KTN1: variants seen among roughly 807,000 people sequenced by gnomAD.
KTN1 encodes kinectin.
KTN1 carries 130 observed loss-of-function variants against 222.5 expected under a neutral mutation model. The observed-to-expected ratio is 0.58, with a 90% CI of 0.51 to 0.68. The LOEUF (loss-of-function observed/expected upper bound fraction) is 0.68. Ranked by LOEUF, KTN1 falls within the 30% of genes least tolerant of loss-of-function variation. KTN1 has a pLI of 0.00. For missense variants in KTN1, 1,508 were observed against 1,500.4 expected (o/e 1.01, Z -0.08); for synonymous variants, 512 against 496.3 (o/e 1.03, Z -0.42).
At chr14:55,651,202 T>C (rs2042905772) in intron 24 of KTN1, 1 of 452,488 alleles carries the variant, frequency 2.2e-6, no homozygotes, top group African/African-American at 2.0e-5. Flanking sequence ...ACTGTACTCG[T>C]GATTGGTGGA....
At chr14:55,654,141 TCTA>T (rs748310268) in intron 28 of KTN1, among the ~76,000 whole-genome samples, 62 of 152,182 alleles carry the variant, frequency 4.1e-4, no homozygotes, top group Non-Finnish European at 3.2e-4. Flanking sequence ...AATGTTTTAT[TCTA>T]GAGAGTCTGT....
intron 33 of KTN1, among the ~76,000 whole-genome samples, chr14:55,666,479 A>AT (rs1329953797): frequency 2.6e-5 from 4 of 151,200 alleles, no homozygotes; most frequent in African/African-American, 9.7e-5. Flanking sequence ...TTGGTGCGTG[A>AT]TAAGTCATTA....
At chr14:55,608,816 G>A (rs1314665670) in intron 1 of KTN1, among the ~76,000 whole-genome samples, 2 of 151,818 alleles carry the variant, frequency 1.3e-5, no homozygotes, top group African/African-American at 4.8e-5. Context: ...TTTTAGTAGA[G>A]ACGGGGTTTC....
At position 55,684,379 on chromosome 14, in the gene KTN1, GC is replaced by G. The variant is rs1187615647; in HGVS notation, c.*277del. The G allele has an allele frequency of 1.6e-5, 5 of 319,536 alleles. No homozygotes were observed. Among genetic ancestry groups the G allele is most frequent in the Non-Finnish European group, 2.3e-5 (4 of 175,766 alleles). 19.8% of individuals were successfully genotyped at this position (319,536 alleles called of 1,614,324 possible). On this transcript the variant is annotated 3_prime_UTR_variant, in exon 44 of 44. Coordinates refer to ENST00000395314, the MANE Select transcript of KTN1 (RefSeq NM_001079521.2). ...AACATGTAATCTTTTATCTTATTTT[GC>G]TCAATAAAATTGTTCAGAAGATCAA...
chr14:55,655,947 T>A, intron 28 of KTN1, 95 bp from the exon 29 acceptor site: 1 of 641,804 alleles, frequency 1.6e-6, no homozygotes. Flanking sequence ...TGGTATGTAT[T>A]GTTTCTGCCA....
At chr14:55,647,655 AAAAAAG>A (rs2042514843) in intron 19 of KTN1, among the ~76,000 whole-genome samples, 2 of 147,210 alleles carry the variant, frequency 1.4e-5, no homozygotes, top group African/African-American at 5.0e-5. Flanking sequence ...AAAAAAAAAA[AAAAAAG>A]AGCCAGGCAT....
chr14:55,607,857 T>A (rs561377609), intron 1 of KTN1, among the ~76,000 whole-genome samples: 1 of 152,350 alleles, frequency 6.6e-6, no homozygotes, highest in Non-Finnish European at 1.5e-5. Flanking sequence ...GAATAGCCAA[T>A]GTGGTCCAGC....
rs1187572661 is a variant in KTN1 at position 55,659,768 on chromosome 14, CAAAT to C, written c.2999+68_2999+71del. The C allele has an allele frequency of 5.4e-6, 5 of 926,564 alleles. No individual in the cohort carries two copies. In the African/African-American group the frequency reaches 6.6e-5, roughly 12 times the overall value. 57.4% of individuals were successfully genotyped at this position (926,564 alleles called of 1,614,324 possible). On this transcript the variant is annotated intron_variant, in intron 31 of 43. Coordinates refer to ENST00000395314, the MANE Select transcript of KTN1 (RefSeq NM_001079521.2). The stretch of plus-strand genomic sequence containing the variant: ...CTATTTTTATGTGGTAAACCATTCT[CAAAT>C]AAGCAATTTAGTGTAACTGCAAATG...
rs370505337 is a variant in KTN1 at position 55,625,913 on chromosome 14, AATC to A, written c.964-1997_964-1995del. On this transcript the variant is annotated intron_variant, in intron 5 of 43. Coordinates refer to ENST00000395314, the MANE Select transcript of KTN1 (RefSeq NM_001079521.2). Reference sequence around the variant, plus strand: ...TCTCACAATAAAACATTCTTTGAATAATCAATCACGTGTTTATTATTTACTGGA... The same window carrying A: ...TCTCACAATAAAACATTCTTTGAATAAATCACGTGTTTATTATTTACTGGA... Among the ~76,000 whole-genome samples the A allele has an allele frequency of 9.2e-4, 140 of 152,308 alleles. 1 individual carries two copies. The East Asian group carries it at 9.7e-3, about 11-fold the overall frequency.
intron 33 of KTN1, among the ~76,000 whole-genome samples, chr14:55,665,006 T>C (rs1231948935): frequency 6.7e-6 from 1 of 149,480 alleles, no homozygotes; most frequent in African/African-American, 2.5e-5. Context: ...TTTTTTTTTT[T>C]AGCAAGTATA....
Position 55,640,932 on chromosome 14 carries a change from GGCT to G in KTN1, c.1992_1994del (p.Ala665del). ...TCATTTTCTTCTCATTCCACACACA[GGCT>G]GCTGCTGCACATGAATTGGAGAAGA... On this transcript the variant is annotated inframe_deletion and splice_region_variant, in exon 16 of 44. Coordinates refer to ENST00000395314, the MANE Select transcript of KTN1 (RefSeq NM_001079521.2). 6.2e-7 allele frequency: 1 copy of G among 1,611,836 alleles called. No homozygotes were observed. The highest frequency in any genetic ancestry group is 2.2e-5 in the East Asian group (1 of 44,794).
rs983504969 is a variant in KTN1, at chr14:55,658,687, T to A, written c.2961+73T>A. The stretch of plus-strand genomic sequence containing the variant: ...TATATAACCAGTGACATATGAGTAT[T>A]TTTGCCATTTCTGCATTTTCATTGA... On this transcript the variant is annotated intron_variant, in intron 30 of 43. Transcript: ENST00000395314. The A allele has an allele frequency of 8.1e-6, 7 of 859,230 alleles. No individual in the cohort carries two copies. The African/African-American group carries it at 1.2e-4, about 15-fold the overall frequency. The allele number at this position is 859,230 out of a possible 1,614,324, so 53.2% of individuals were successfully genotyped here.
At chr14:55,617,620 A>G (rs2038568045) in intron 3 of KTN1, among the ~76,000 whole-genome samples, 1 of 152,192 alleles carries the variant, frequency 6.6e-6, no homozygotes, top group Non-Finnish European at 1.5e-5. Context: ...AAAAACTAAT[A>G]GTTTTCCTTG....
chr14:55,646,525 CTTTCCTTTCCTTTCCTTTCCTTCTCTCT>C (rs2042368881), intron 18 of KTN1, among the ~76,000 whole-genome samples: 2 of 113,206 alleles, frequency 1.8e-5, no homozygotes, highest in Admixed American at 1.1e-4. Context: ...CTTTCCTTTC[CTTTCCTTTCCTTTCCTTTCCTTCTCTCT>C]TTCTCTCTCT....
intron 21 of KTN1, among the ~76,000 whole-genome samples, chr14:55,649,419 G>A (rs1416798293): frequency 1.3e-5 from 2 of 152,178 alleles, no homozygotes; most frequent in Non-Finnish European, 2.9e-5. Context: ...TTACTAGAGT[G>A]ATAAAAAGGT....
chr14:55,639,937 A>G lies in KTN1; in HGVS notation c.1848A>G (p.Ile616Met), dbSNP rs768752047. The G allele has an allele frequency of 4.4e-6, 7 of 1,606,444 alleles. No individual in the cohort carries two copies. Among genetic ancestry groups the G allele is most frequent in the Non-Finnish European group, 6.0e-6 (7 of 1,173,672 alleles). The change falls in exon 14 of 44, where the codon ATA becomes ATG. Residue 616 changes from isoleucine to methionine, a missense_variant. Transcript: ENST00000395314. ...GGATTGCAGAAAAGGATAAGCAGAT[A>G]AAACAGACTGAAGATTCTTTAGCAA... ...HKVIAEKDKQ[I>M]KQTEDSLASE...
At chr14:55,644,543 A>G (rs2042106489) in intron 18 of KTN1, 1 of 517,756 alleles carries the variant, frequency 1.9e-6, no homozygotes. Flanking sequence ...CTAATATTTC[A>G]TTTACTCAGA....
intron 1 of KTN1, among the ~76,000 whole-genome samples, chr14:55,597,046 A>C (rs1319279130): frequency 6.6e-6 from 1 of 151,634 alleles, no homozygotes. Flanking sequence ...TATACTGTAT[A>C]TATGAAGGAT....
chr14:55,642,387 C>CA (rs1303625742), intron 18 of KTN1, among the ~76,000 whole-genome samples: 1 of 152,128 alleles, frequency 6.6e-6, no homozygotes, highest in African/African-American at 2.4e-5. Context: ...AGCAAGACAT[C>CA]AAAACTATAT....
Sources: allele counts gnomAD v4.1 joint callset (sites outside exome capture counted in the v4.1 genomes callset), GRCh38; gene constraint gnomAD v4.1.1; transcripts MANE v1.5; gene names NCBI Gene and HGNC (gene_info 2026-07-23, HGNC 2026-07-21).